Variants in ARID5A observed in about 807,000 individuals in gnomAD.
ARID5A encodes the protein AT-rich interaction domain 5A, also known as AT-rich interactive domain-containing protein 5A.
A neutral mutation model predicts 30.5 loss-of-function variants in ARID5A; 14 were observed. That is an observed-to-expected ratio of 0.46 (90% CI 0.30 to 0.72). ARID5A has a LOEUF of 0.72. ARID5A is among the 30% of genes least tolerant of loss of function. ARID5A has a pLI of 0.07. For synonymous variants in ARID5A, 338 were observed against 340.4 expected, an observed-to-expected ratio of 0.99 and a Z score of 0.08; for missense variants, 669 against 786.2, an observed-to-expected ratio of 0.85 and a Z score of 1.78.
In ARID5A at chr2:96,550,017, T is replaced by C; in HGVS notation, c.313-171T>C. On this transcript the variant is annotated intron_variant, in intron 4 of 6. Coordinates refer to ENST00000357485, the MANE Select transcript of ARID5A (RefSeq NM_212481.3). This position sits in a 1 kb window ranked among gnomAD's most constrained non-coding sequence, Gnocchi z 6.6. ...GCCCGCCCCGTGTTGGGAAAACTGC[T>C]TGGGCCAGCAGTCCATGGCCCTAGG... 6.5e-7 allele frequency: 1 copy of C among 1,533,774 alleles called. No individual in the cohort carries two copies. The highest frequency in any genetic ancestry group is 8.7e-7 in the Non-Finnish European group (1 of 1,146,360).
In ARID5A at chr2:96,538,737, G is replaced by A. The variant is rs1036455288; in HGVS notation, c.4+1907G>A. 2.0e-5 allele frequency among the ~76,000 whole-genome samples: 3 copies of A among 152,242 alleles called. No homozygotes were observed. In the East Asian group the frequency reaches 5.8e-4, roughly 29 times the overall value. On this transcript the variant is annotated intron_variant, in intron 1 of 6. Transcript: ENST00000357485. ...AACTTAAGCCAACAACCTCAGCCGAGGGGGCGGGGCGGCGTCTGCTGGTTG... is the reference window on the plus strand; with the variant it reads ...AACTTAAGCCAACAACCTCAGCCGAAGGGGCGGGGCGGCGTCTGCTGGTTG...
chr2:96,549,196 G>C lies in ARID5A; in HGVS notation c.121-125G>C. The stretch of plus-strand genomic sequence containing the variant: ...CACTCCCTCCCAGAACAGTGGCTAG[G>C]TGTTCTCTGGGAAACTGGGGTTGGG... On this transcript the variant is annotated intron_variant, in intron 2 of 6. Transcript: ENST00000357485. The surrounding 1 kb of genome is among the most constrained non-coding windows in gnomAD (Gnocchi z 6.1). The C allele has an allele frequency of 1.3e-6, 2 of 1,499,510 alleles. No individual in the cohort carries two copies. Among genetic ancestry groups the C allele is most frequent in the Non-Finnish European group, 1.8e-6 (2 of 1,118,856 alleles). 92.9% of individuals were successfully genotyped at this position (1,499,510 alleles called of 1,614,324 possible).
chr2:96,543,803 TA>T (rs1037651367), intron 1 of ARID5A, among the ~76,000 whole-genome samples: 1 of 152,088 alleles, frequency 6.6e-6, no homozygotes, highest in Non-Finnish European at 1.5e-5. Flanking sequence ...TACTTTTAAA[TA>T]AAAAAACTAG....
At position 96,536,777 on chromosome 2, in the gene ARID5A, A is replaced by G. The variant is rs1228387035; in HGVS notation, c.-50A>G. The stretch of plus-strand genomic sequence containing the variant: ...ATCTCAGAGAGCGCGGGGTCCGGAC[A>G]GCCGCGCGCTGAGGGTCTCGGGGCG... On this transcript the variant is annotated 5_prime_UTR_variant, in exon 1 of 7. Transcript: ENST00000357485. 34 of 1,099,126 alleles carry G rather than the reference A, an allele frequency of 3.1e-5. No individual in the cohort carries two copies. The highest frequency in any genetic ancestry group is 3.6e-5 in the Non-Finnish European group (33 of 907,140). 68.1% of individuals were successfully genotyped at this position (1,099,126 alleles called of 1,614,324 possible). A position where few individuals can be genotyped will look rare whatever the true frequency, so the allele number is the denominator to read the frequency against.
chr2:96,550,987 G>A lies in ARID5A; in HGVS notation c.571-112G>A. 1 of 1,322,910 alleles carries A rather than the reference G, an allele frequency of 7.6e-7. No individual in the cohort carries two copies. The highest frequency in any genetic ancestry group is 1.0e-6 in the Non-Finnish European group (1 of 963,060). 81.9% of individuals were successfully genotyped at this position (1,322,910 alleles called of 1,614,324 possible). On this transcript the variant is annotated intron_variant, in intron 6 of 6. Coordinates refer to ENST00000357485, the MANE Select transcript of ARID5A (RefSeq NM_212481.3). This position sits in a 1 kb window ranked among gnomAD's most constrained non-coding sequence, Gnocchi z 6.6. ...CACCTTTGGAAAATTCTGTACAGAG[G>A]ACTGCAGGGGCTGGCGGGGGACCTG...
rs759688260 is a variant in ARID5A, at chr2:96,552,084, AG to A, written c.1559del (p.Gly520AlafsTer32). ...TTCACTGGCACCCCGGGCCCCTTGA[AG>A]GGCCAGGCTGCACTCCCCTTCAGCC... Reference protein sequence around the residue: ...LNFTGTPGPLKGQAALPFSPL... With the variant: ...LNFTGTPGPLXGQAALPFSPL... On this transcript the variant is annotated frameshift_variant, in exon 7 of 7. Transcript: ENST00000357485. LOFTEE classifies it high-confidence loss of function. 6.3e-7 allele frequency: 1 copy of A among 1,594,242 alleles called. No homozygotes were observed. The highest frequency in any genetic ancestry group is 1.1e-5 in the South Asian group (1 of 88,314).
At position 96,549,952 on chromosome 2, in the gene ARID5A, T is replaced by C. The variant is rs892290324; in HGVS notation, c.312+147T>C. 2 of 1,532,158 alleles carry C rather than the reference T, an allele frequency of 1.3e-6. No individual in the cohort carries two copies. Among genetic ancestry groups the C allele is most frequent in the East Asian group, 2.4e-5 (1 of 40,890 alleles). The allele number at this position is 1,532,158 out of a possible 1,614,324, so 94.9% of individuals were successfully genotyped here. A position where few individuals can be genotyped will look rare whatever the true frequency, so the allele number is the denominator to read the frequency against. ...CTCCCTGCCTTCCCCGCTGGTACTC[T>C]GCTGCTCAAAGCAGCTTTTCAGCCT... On this transcript the variant is annotated intron_variant, in intron 4 of 6. Coordinates refer to ENST00000357485, the MANE Select transcript of ARID5A (RefSeq NM_212481.3). This position sits in a 1 kb window ranked among gnomAD's most constrained non-coding sequence, Gnocchi z 6.1.
In ARID5A at chr2:96,551,076, G is replaced by A. The variant is rs557529755; in HGVS notation, c.571-23G>A. On this transcript the variant is annotated intron_variant, in intron 6 of 6. Transcript: ENST00000357485. Reference sequence around the variant, plus strand: ...GGATGTGGGGCTGAGGCAGTCCTGAGGCAAGACTTTCTCTCATTCCAGATG... The same window carrying A: ...GGATGTGGGGCTGAGGCAGTCCTGAAGCAAGACTTTCTCTCATTCCAGATG... 170 of 1,595,990 alleles carry A rather than the reference G, an allele frequency of 1.1e-4. 3 individuals are homozygous for A. The South Asian group carries it at 1.8e-3, about 17-fold the overall frequency.
Position 96,551,681 on chromosome 2 carries a change from C to T in ARID5A, c.1153C>T (p.Pro385Ser). ...CAAAGAGGGGCTGTCAGTGAAAGAG[C>T]CCCAGCTGGTGTGGGGCGGAGACGC... ...PGKEGLSVKE[P>S]QLVWGGDANR... The change falls in exon 7 of 7, where the codon CCC becomes TCC. Residue 385 changes from proline to serine, a missense_variant. Pro to Ser is a moderately conservative substitution (Grantham distance 74, BLOSUM62 -1). This residue lies in a region of ARID5A where 548 missense variants were observed against 577.4 expected (regional missense o/e 0.95). Coordinates refer to ENST00000357485, the MANE Select transcript of ARID5A (RefSeq NM_212481.3). The T allele has an allele frequency of 6.6e-7, 1 of 1,522,772 alleles. No individual in the cohort carries two copies. Among genetic ancestry groups the T allele is most frequent in the Non-Finnish European group, 8.8e-7 (1 of 1,138,410 alleles). The allele number at this position is 1,522,772 out of a possible 1,614,324, so 94.3% of individuals were successfully genotyped here.
In ARID5A at chr2:96,552,288, T is replaced by G; in HGVS notation, c.1760T>G (p.Phe587Cys). Reference protein sequence around the residue: ...PPVTTYAAPHFFHLNTKL With the variant: ...PPVTTYAAPHCFHLNTKL Reference sequence around the variant, plus strand: ...GTCACAACCTATGCAGCGCCCCACTTCTTCCACCTCAACACCAAGCTGTAG... The same window carrying G: ...GTCACAACCTATGCAGCGCCCCACTGCTTCCACCTCAACACCAAGCTGTAG... The change falls in exon 7 of 7, where the codon TTC becomes TGC. Residue 587 changes from phenylalanine to cysteine, a missense_variant. Transcript: ENST00000357485. 6.2e-7 allele frequency: 1 copy of G among 1,613,144 alleles called. No homozygotes were observed. The highest frequency in any genetic ancestry group is 1.1e-5 in the South Asian group (1 of 91,040).
chr2:96,549,428 C>T lies in ARID5A; in HGVS notation c.228C>T (p.Ile76=), dbSNP rs559775215. The T allele has an allele frequency of 1.5e-5, 25 of 1,613,768 alleles. 1 individual carries two copies. The highest frequency in any genetic ancestry group is 6.7e-5 in the East Asian group (3 of 44,866). ...TCATGAAGGAGCGACACACGCCCAT[C>T]GAGAGGGTGCCCCATCTCGGCTTCA... The part of the protein sequence containing the change: ...YKFMKERHTP[I]ERVPHLGFKQ... The change falls in exon 3 of 7, where the codon ATC becomes ATT. Residue 76 remains isoleucine (I), a synonymous_variant. Coordinates refer to ENST00000357485, the MANE Select transcript of ARID5A (RefSeq NM_212481.3). This position sits in a 1 kb window ranked among gnomAD's most constrained non-coding sequence, Gnocchi z 6.1.
At position 96,549,124 on chromosome 2, in the gene ARID5A, T is replaced by G. The variant is rs114267084; in HGVS notation, c.121-197T>G. ...AGGTCCTGGACTCTAGCTCCTGTCC[T>G]GGGGCGCTGAGAGCTGACACCTGTG... On this transcript the variant is annotated intron_variant, in intron 2 of 6. Transcript: ENST00000357485. This position sits in a 1 kb window ranked among gnomAD's most constrained non-coding sequence, Gnocchi z 6.1. 0.038 allele frequency among the ~76,000 whole-genome samples: 5,800 copies of G among 152,238 alleles called. 137 individuals are homozygous for G. The highest frequency in any genetic ancestry group is 0.061 in the African/African-American group (2,531 of 41,540).
chr2:96,544,710 G>T (rs2065897843), intron 1 of ARID5A, among the ~76,000 whole-genome samples: 1 of 152,192 alleles, frequency 6.6e-6, no homozygotes, highest in Non-Finnish European at 1.5e-5. Context: ...ATGCCTACTA[G>T]CACAACATTT....
Position 96,539,525 on chromosome 2 carries a change from G to T in ARID5A, c.4+2695G>T, listed in dbSNP as rs1174161798. Among the ~76,000 whole-genome samples the T allele has an allele frequency of 6.6e-6, 1 of 152,244 alleles. No individual in the cohort carries two copies. Among genetic ancestry groups the T allele is most frequent in the African/African-American group, 2.4e-5 (1 of 41,462 alleles). On this transcript the variant is annotated intron_variant, in intron 1 of 6. Coordinates refer to ENST00000357485, the MANE Select transcript of ARID5A (RefSeq NM_212481.3). This position sits in a 1 kb window ranked among gnomAD's most constrained non-coding sequence, Gnocchi z 4.7. ...CCAGGTTGGTTGGGCCCTGGCCAGA[G>T]CTGGCCCCCTACTCTCTCAGGTAAC...
At chr2:96,543,803 T>TA (rs1037651367) in intron 1 of ARID5A, among the ~76,000 whole-genome samples, 4 of 152,088 alleles carry the variant, frequency 2.6e-5, no homozygotes, top group South Asian at 2.1e-4. Flanking sequence ...TACTTTTAAA[T>TA]AAAAAAACTA....
At chr2:96,545,578 A>G (rs2065913937) in intron 1 of ARID5A, among the ~76,000 whole-genome samples, 1 of 152,228 alleles carries the variant, frequency 6.6e-6, no homozygotes, top group Non-Finnish European at 1.5e-5. Flanking sequence ...GTTTGAGAGG[A>G]GGGACATCAG....
At chr2:96,538,132 C>T in intron 1 of ARID5A, 1 of 985,468 alleles carries the variant, frequency 1.0e-6, no homozygotes, top group African/African-American at 1.7e-5. Context: ...GAAAGGGCCT[C>T]CGATAATCTG....
At position 96,537,734 on chromosome 2, in the gene ARID5A, C is replaced by T; in HGVS notation, c.4+904C>T. 2 of 446,140 alleles carry T rather than the reference C, an allele frequency of 4.5e-6. No individual in the cohort carries two copies. The highest frequency in any genetic ancestry group is 5.9e-6 in the Non-Finnish European group (2 of 336,856). The allele number at this position is 446,140 out of a possible 1,614,324, so 27.6% of individuals were successfully genotyped here. Reference sequence around the variant, plus strand: ...GGCCAACCCGGGCCCGCGCTCCGTCCCTCCGCGGTGTCTAGGGGTCGCCCG... The same window carrying T: ...GGCCAACCCGGGCCCGCGCTCCGTCTCTCCGCGGTGTCTAGGGGTCGCCCG... On this transcript the variant is annotated intron_variant, in intron 1 of 6. Transcript: ENST00000357485. The surrounding 1 kb of genome is among the most constrained non-coding windows in gnomAD (Gnocchi z 4.8).
intron 1 of ARID5A, among the ~76,000 whole-genome samples, chr2:96,540,068 A>G (rs1438130298): frequency 6.6e-6 from 1 of 152,176 alleles, no homozygotes; most frequent in Non-Finnish European, 1.5e-5. Context: ...CTCAGACATT[A>G]TATCTGTTAT....
Sources: gnomAD v4.1 joint callset for allele counts (sites outside exome capture counted in the v4.1 genomes callset) on GRCh38, gnomAD v4.1.1 for gene constraint, gnomAD v4.1.1 regional missense constraint, Gnocchi (gnomAD v3.1) non-coding constraint, MANE v1.5 for transcripts, NCBI Gene and HGNC (gene_info 2026-07-23, HGNC 2026-07-21) for gene names.